The following KLHL13 variants were observed in gnomAD, a reference collection of about 807,000 sequenced individuals.
KLHL13 encodes kelch-like protein 13.
KLHL13 carries 10 observed loss-of-function variants against 37.1 expected under a neutral mutation model. That is an observed-to-expected ratio of 0.27 (90% CI 0.17 to 0.46). KLHL13 has a LOEUF of 0.46. KLHL13 is among the 20% of genes least tolerant of loss of function. The pLI, the probability that KLHL13 is intolerant of heterozygous loss-of-function variation, is 1.00. For missense variants in KLHL13, 360 were observed against 509.3 expected (o/e 0.71, Z 2.82); for synonymous variants, 163 against 181.2 (o/e 0.90, Z 0.81).
chrX:118,037,648 G>A lies in KLHL13; in HGVS notation c.-56+78860C>T, dbSNP rs1011989876. 4.5e-5 allele frequency among the ~76,000 whole-genome samples: 5 copies of A among 111,102 alleles called. No homozygotes were observed. In the Admixed American group the frequency reaches 4.8e-4, roughly 11 times the overall value. ...TTGGGAGATACACCTAATGCTAGATGACGAGTTAGTGGGTGCAGTGCACCA... is the reference window on the plus strand; with the variant it reads ...TTGGGAGATACACCTAATGCTAGATAACGAGTTAGTGGGTGCAGTGCACCA... On this transcript the variant is annotated intron_variant, in intron 1 of 6. Coordinates refer to the KLHL13 transcript ENST00000371882.
chrX:117,979,329 G>A (rs138071085), intron 1 of KLHL13, among the ~76,000 whole-genome samples: 6,668 of 111,550 alleles, frequency 0.06, 477 homozygotes, highest in African/African-American at 0.2. Context: ...ACAGAGAGAC[G>A]ATTTATCATC....
intron 1 of KLHL13, among the ~76,000 whole-genome samples, chrX:118,002,336 C>T (rs2053931259): frequency 9.1e-6 from 1 of 110,447 alleles, no homozygotes; most frequent in African/African-American, 3.3e-5. Flanking sequence ...GTGGCTCACA[C>T]CTGTAATCCC....
chrX:117,980,733 T>A (rs1280096627), intron 1 of KLHL13, among the ~76,000 whole-genome samples: 1 of 111,821 alleles, frequency 8.9e-6, no homozygotes, highest in Non-Finnish European at 1.9e-5. Flanking sequence ...GGTTTAATCA[T>A]TAAAACTGAA....
chrX:118,030,011 T>C (rs193172036), intron 1 of KLHL13, among the ~76,000 whole-genome samples: 1 of 110,219 alleles, frequency 9.1e-6, no homozygotes, highest in East Asian at 2.8e-4. Flanking sequence ...AAAAAGAAGT[T>C]ATGTGAAGAT....
At chrX:118,065,625 T>C (rs2148102673) in intron 1 of KLHL13, among the ~76,000 whole-genome samples, 1 of 111,388 alleles carries the variant, frequency 9.0e-6, no homozygotes. Context: ...AGGACTCACA[T>C]AAAAAGAAAC....
chrX:118,094,926 C>A (rs1217753806), intron 1 of KLHL13, among the ~76,000 whole-genome samples: 1 of 111,887 alleles, frequency 8.9e-6, no homozygotes, highest in Non-Finnish European at 1.9e-5. Flanking sequence ...GTACCAGCCA[C>A]TGCAAAAACA....
At chrX:118,045,757 A>G (rs774088330) in intron 1 of KLHL13, among the ~76,000 whole-genome samples, 19 of 111,607 alleles carry the variant, frequency 1.7e-4, no homozygotes, top group Non-Finnish European at 3.0e-4. Flanking sequence ...CAGTGAGCTG[A>G]GATTGAGCCA....
rs185464519 is a variant in KLHL13, at chrX:118,103,549, T to A, written c.-56+12959A>T. Reference sequence around the variant, plus strand: ...TCGGTAAAATTAAAAGTAAGAAAAATTGTAAGAAGAAAAAGAGAGCAACCT... The same window carrying A: ...TCGGTAAAATTAAAAGTAAGAAAAAATGTAAGAAGAAAAAGAGAGCAACCT... On this transcript the variant is annotated intron_variant, in intron 1 of 6. Coordinates refer to the KLHL13 transcript ENST00000371882. 1.3e-4 allele frequency among the ~76,000 whole-genome samples: 15 copies of A among 111,371 alleles called. No individual in the cohort carries two copies. The East Asian group carries it at 3.7e-3, about 27-fold the overall frequency.
At chrX:117,926,397 C>G (rs1013862870) in intron 2 of KLHL13, among the ~76,000 whole-genome samples, 5 of 110,674 alleles carry the variant, frequency 4.5e-5, no homozygotes, top group African/African-American at 1.6e-4. Context: ...TTCCAGAGCT[C>G]GAAAAACAGT....
chrX:118,115,392 AGAGT>A (rs2148199487), intron 1 of KLHL13, among the ~76,000 whole-genome samples: 1 of 112,841 alleles, frequency 8.9e-6, no homozygotes, highest in Non-Finnish European at 1.9e-5. Flanking sequence ...GATATCGCTA[AGAGT>A]GAGTAGTCTT....
At chrX:118,110,382 T>C (rs992382779) in intron 1 of KLHL13, among the ~76,000 whole-genome samples, 21 of 98,633 alleles carry the variant, frequency 2.1e-4, no homozygotes, top group South Asian at 5.0e-4. Flanking sequence ...TTTTTCTTTT[T>C]TTTTTTTTTT....
intron 1 of KLHL13, among the ~76,000 whole-genome samples, chrX:117,964,610 A>C (rs1215678698): frequency 9.0e-6 from 1 of 111,533 alleles, no homozygotes; most frequent in African/African-American, 3.3e-5. Context: ...TTTTTTATTA[A>C]AGTTTTAGGG....
chrX:118,060,106 G>C (rs749859382), intron 1 of KLHL13, among the ~76,000 whole-genome samples: 3 of 111,910 alleles, frequency 2.7e-5, no homozygotes, highest in African/African-American at 9.7e-5. Flanking sequence ...AGACATAACA[G>C]AGCATATAAA....
chrX:117,967,224 T>A (rs1381896254), intron 1 of KLHL13, among the ~76,000 whole-genome samples: 2 of 111,693 alleles, frequency 1.8e-5, no homozygotes, highest in Non-Finnish European at 3.8e-5. Flanking sequence ...GTAACTTATT[T>A]ATGTACTGAT....
chrX:118,036,461 T>C (rs1034392464), intron 1 of KLHL13, among the ~76,000 whole-genome samples: 7 of 111,323 alleles, frequency 6.3e-5, no homozygotes, highest in Non-Finnish European at 1.3e-4. Context: ...TATCTGATCT[T>C]TGACTAACCG....
Position 117,991,137 on chromosome X carries a change from T to TAAAAAAAAAAAAAAAAAAAAAA in KLHL13, c.-55-45563_-55-45562insTTTTTTTTTTTTTTTTTTTTTT, listed in dbSNP as rs750755409. The stretch of plus-strand genomic sequence containing the variant: ...AAGGCTGGAAATTTTCATTAAAAAG[T>TAAAAAAAAAAAAAAAAAAAAAA]AAAAAAAAAAAAGTCTTATAAATGA... On this transcript the variant is annotated intron_variant, in intron 1 of 6. Transcript: ENST00000371882. 4.4e-4 allele frequency among the ~76,000 whole-genome samples: 37 copies of TAAAAAAAAAAAAAAAAAAAAAA among 83,823 alleles called. 2 individuals carry two copies. Among genetic ancestry groups the TAAAAAAAAAAAAAAAAAAAAAA allele is most frequent in the African/African-American group, 2.4e-3 (32 of 13,278 alleles). 72.8% of individuals were successfully genotyped at this position (83,823 alleles called of 115,157 possible).
At chrX:118,028,249 G>A (rs1256863207) in intron 1 of KLHL13, among the ~76,000 whole-genome samples, 175 bp downstream of exon 2, 1 of 111,215 alleles carries the variant, frequency 9.0e-6, no homozygotes, top group Non-Finnish European at 1.9e-5. Context: ...AGGAAACATT[G>A]TCACTAACAT....
At chrX:118,096,061 C>A (rs181160426) in intron 1 of KLHL13, among the ~76,000 whole-genome samples, 1 of 111,502 alleles carries the variant, frequency 9.0e-6, no homozygotes. Flanking sequence ...TAGCAGAAGG[C>A]AAGAAATAAC....
chrX:118,089,614 A>AGAG (rs1569313840), intron 1 of KLHL13, among the ~76,000 whole-genome samples: 3 of 57,536 alleles, frequency 5.2e-5, no homozygotes, highest in African/African-American at 1.4e-4. Context: ...GAGAGAGAGA[A>AGAG]AGAAAGAGAA....
Sources: gnomAD v4.1 joint callset for allele counts (sites outside exome capture counted in the v4.1 genomes callset) on GRCh38, gnomAD v4.1.1 for gene constraint, MANE v1.5 for transcripts, NCBI Gene and HGNC (gene_info 2026-07-23, HGNC 2026-07-21) for gene names.